GPC6: variants seen among roughly 807,000 people sequenced by gnomAD.
GPC6 encodes glypican-6.
In GPC6, 14 loss-of-function variants were observed where a neutral mutation model predicts 55.2. The observed-to-expected ratio is 0.25, with a 90% CI of 0.17 to 0.40. The LOEUF is 0.40. Ranked by LOEUF, GPC6 falls within the 10% of genes least tolerant of loss-of-function variation. The probability of loss-of-function intolerance (pLI) is 1.00; values close to 1 mark genes in which losing one functional copy is unlikely to be tolerated. For missense variants in GPC6, 641 were observed against 708.5 expected (o/e 0.90, Z 1.08); for synonymous variants, 278 against 259.6 (o/e 1.07, Z -0.68).
intron 1 of GPC6, among the ~76,000 whole-genome samples, chr13:93,519,112 T>G (rs925726913): frequency 9.2e-5 from 14 of 152,028 alleles, no homozygotes; most frequent in Non-Finnish European, 1.9e-4. Flanking sequence ...TTTCTAAAAT[T>G]TAAAGCTTAA....
At chr13:94,173,853 A>G (rs983832178) in intron 4 of GPC6, among the ~76,000 whole-genome samples, 26 of 152,160 alleles carry the variant, frequency 1.7e-4, no homozygotes, top group African/African-American at 5.3e-4. Context: ...ATCTGTAACA[A>G]ATGTTTAGTA....
chr13:93,408,907 G>C (rs1195866995), intron 1 of GPC6, among the ~76,000 whole-genome samples: 1 of 152,048 alleles, frequency 6.6e-6, no homozygotes, highest in Non-Finnish European at 1.5e-5. Flanking sequence ...AAAAATCCCA[G>C]CCTATGCAAT....
At chr13:94,319,252 C>T (rs1445946380) in intron 6 of GPC6, among the ~76,000 whole-genome samples, 1 of 151,966 alleles carries the variant, frequency 6.6e-6, no homozygotes, top group Non-Finnish European at 1.5e-5. Flanking sequence ...AATAATTACC[C>T]TTGAAATTTT....
At chr13:93,895,439 G>A (rs1202266293) in intron 3 of GPC6, among the ~76,000 whole-genome samples, 2 of 151,462 alleles carry the variant, frequency 1.3e-5, no homozygotes, top group Non-Finnish European at 3.0e-5. Flanking sequence ...GGCTATCAAT[G>A]TGGTTAGACT....
chr13:93,822,844 A>G (rs1295930678), intron 2 of GPC6, among the ~76,000 whole-genome samples: 1 of 146,492 alleles, frequency 6.8e-6, no homozygotes, highest in African/African-American at 2.6e-5. Context: ...TATTATTATT[A>G]TTATTATTAT....
chr13:93,746,660 G>C (rs116513308), intron 2 of GPC6, among the ~76,000 whole-genome samples: 120 of 152,298 alleles, frequency 7.9e-4, no homozygotes, highest in African/African-American at 2.6e-3. Flanking sequence ...AGACTCTTCT[G>C]ATCTTAGACA....
At chr13:94,067,487 TC>T (rs1884560127) in intron 4 of GPC6, among the ~76,000 whole-genome samples, 1 of 152,024 alleles carries the variant, frequency 6.6e-6, no homozygotes, top group Non-Finnish European at 1.5e-5. Context: ...TGTCTCTCTC[TC>T]TCTCTCTCTC....
chr13:93,809,470 A>G (rs1205189583), intron 2 of GPC6, among the ~76,000 whole-genome samples: 1 of 152,210 alleles, frequency 6.6e-6, no homozygotes, highest in Non-Finnish European at 1.5e-5. Flanking sequence ...ATAATTTAAA[A>G]TACAGTGACA....
intron 1 of GPC6, among the ~76,000 whole-genome samples, chr13:93,279,246 C>T (rs577766164): frequency 6.6e-6 from 1 of 152,080 alleles, no homozygotes; most frequent in Non-Finnish European, 1.5e-5. Flanking sequence ...TTGGGAGGAG[C>T]CTGAAGGAGC....
At chr13:93,765,200 T>A (rs1464044419) in intron 2 of GPC6, among the ~76,000 whole-genome samples, 3 of 44,612 alleles carry the variant, frequency 6.7e-5, no homozygotes, top group Non-Finnish European at 1.4e-4. Context: ...TTATAGACCA[T>A]AGACCATTAT....
intron 2 of GPC6, among the ~76,000 whole-genome samples, chr13:93,619,597 G>A (rs1305298117): frequency 6.6e-6 from 1 of 152,022 alleles, no homozygotes; most frequent in East Asian, 1.9e-4. Context: ...GACTCCAGAT[G>A]CACCCCATCA....
chr13:93,858,999 G>A (rs1365376157), intron 3 of GPC6, among the ~76,000 whole-genome samples: 1 of 151,318 alleles, frequency 6.6e-6, no homozygotes, highest in Admixed American at 6.6e-5. Context: ...TGTGCTAATG[G>A]GAGTCAACGC....
chr13:94,344,399 G>T (rs1016251260), intron 6 of GPC6, among the ~76,000 whole-genome samples: 21 of 152,346 alleles, frequency 1.4e-4, no homozygotes, highest in African/African-American at 4.8e-4. Context: ...ACATGAGCTT[G>T]AAATGAAACA....
At chr13:93,977,524 T>A (rs1880581595) in intron 3 of GPC6, among the ~76,000 whole-genome samples, 1 of 150,172 alleles carries the variant, frequency 6.7e-6, no homozygotes. Context: ...GTGTGGTGTG[T>A]CTTTATTTGT....
intron 1 of GPC6, among the ~76,000 whole-genome samples, chr13:93,337,834 C>G (rs142629231): frequency 0.015 from 2,353 of 152,240 alleles, 52 homozygotes; most frequent in African/African-American, 0.051. Context: ...AAATGGAGAA[C>G]AGTTTGGAGC....
At chr13:93,996,818 C>T (rs1056322236) in intron 3 of GPC6, among the ~76,000 whole-genome samples, 3 of 152,068 alleles carry the variant, frequency 2.0e-5, no homozygotes, top group African/African-American at 4.8e-5. Context: ...GGTGGAAGTT[C>T]GTAGGCTTGT....
chr13:93,431,959 G>C (rs1877376967), intron 1 of GPC6, among the ~76,000 whole-genome samples: 1 of 152,120 alleles, frequency 6.6e-6, no homozygotes, highest in Non-Finnish European at 1.5e-5. Flanking sequence ...GGTAAAGTCA[G>C]TTTAATGAAT....
intron 3 of GPC6, among the ~76,000 whole-genome samples, chr13:94,004,990 G>A (rs915090123): frequency 6.6e-6 from 1 of 151,990 alleles, no homozygotes; most frequent in Non-Finnish European, 1.5e-5. Flanking sequence ...TAAACCCCAG[G>A]GGGAGGCGGA....
Position 94,107,940 on chromosome 13 carries a change from G to A in GPC6, c.877+80046G>A, listed in dbSNP as rs558777122. On this transcript the variant is annotated intron_variant, in intron 4 of 8. Coordinates refer to ENST00000377047, the MANE Select transcript of GPC6 (RefSeq NM_005708.5). ...AGGGAACAATGTACACTGCTTGTGG[G>A]AATGTAAACTAGTACAGCCACTATG... is the stretch of plus-strand genomic sequence containing the variant. 5.9e-5 allele frequency among the ~76,000 whole-genome samples: 9 copies of A among 152,224 alleles called. No homozygotes were observed. In the South Asian group the frequency reaches 1.9e-3, roughly 32 times the overall value.
Sources: allele counts gnomAD v4.1 joint callset (sites outside exome capture counted in the v4.1 genomes callset), GRCh38; gene constraint gnomAD v4.1.1; transcripts MANE v1.5; gene names NCBI Gene and HGNC (gene_info 2026-07-23, HGNC 2026-07-21).